The following CACNB4 variants were observed in gnomAD, a reference collection of about 807,000 sequenced individuals.
CACNB4 encodes calcium voltage-gated channel auxiliary subunit beta 4.
A neutral mutation model predicts 71.2 loss-of-function variants in CACNB4; 32 were observed. The observed-to-expected ratio is 0.45, with a 90% confidence interval of 0.34 to 0.60. The LOEUF is 0.60. Ranked by LOEUF, CACNB4 falls within the 20% of genes least tolerant of loss-of-function variation. The pLI, the probability that CACNB4 is intolerant of heterozygous loss-of-function variation, is 0.01. For synonymous variants in CACNB4, 231 were observed against 236.9 expected (o/e 0.97, Z 0.23); for missense variants, 464 against 647.9 (o/e 0.72, Z 3.08).
chr2:152,059,256 G>C (rs1685882094), intron 2 of CACNB4, among the ~76,000 whole-genome samples: 1 of 152,216 alleles, frequency 6.6e-6, no homozygotes, highest in Non-Finnish European at 1.5e-5. Context: ...CCAGACCCCA[G>C]AATGACAGAT....
At position 152,004,620 on chromosome 2, in the gene CACNB4, T is replaced by C. The variant is rs533373619; in HGVS notation, c.147+93710A>G. 3.3e-5 allele frequency among the ~76,000 whole-genome samples: 5 copies of C among 151,662 alleles called. No homozygotes were observed. The East Asian group carries it at 7.8e-4, about 24-fold the overall frequency. The stretch of plus-strand genomic sequence containing the variant: ...TCAATCCTGCCCCTCCTGCCTTCAG[T>C]GGAGTGGGCAGCTGATGCAGGAAGG... On this transcript the variant is annotated intron_variant, in intron 2 of 13. Coordinates refer to ENST00000539935, the MANE Select transcript of CACNB4 (RefSeq NM_000726.5).
intron 2 of CACNB4, among the ~76,000 whole-genome samples, chr2:151,918,515 G>A (rs116545929): frequency 5.3e-4 from 81 of 152,256 alleles, no homozygotes; most frequent in African/African-American, 1.8e-3. Context: ...TGGGCTCCAG[G>A]GGCTTTCCTT....
chr2:152,002,712 T>TC (rs1482137811), intron 2 of CACNB4, among the ~76,000 whole-genome samples: 17 of 152,196 alleles, frequency 1.1e-4, no homozygotes, highest in Admixed American at 1.3e-4. Context: ...TGTGATAGTG[T>TC]GATTCAAATG....
At chr2:151,932,824 TAAAA>T (rs34714238) in intron 2 of CACNB4, among the ~76,000 whole-genome samples, 1 of 69,866 alleles carries the variant, frequency 1.4e-5, no homozygotes, top group Admixed American at 1.8e-4. Flanking sequence ...AGACTGGATC[TAAAA>T]AAAAAAAAAA....
intron 2 of CACNB4, among the ~76,000 whole-genome samples, chr2:152,035,651 C>CTCTCTCTCTCTCTCTATATATATA (rs796161186): frequency 7.1e-4 from 84 of 118,050 alleles, no homozygotes; most frequent in African/African-American, 3.0e-3. Context: ...CTCTCTCTCT[C>CTCTCTCTCTCTCTCTATATATATA]TATATATATA....
chr2:151,869,194 C>T lies in CACNB4; in HGVS notation c.741G>A (p.Lys247=). ...MMQKALFDFL[K]HRFDGRISIT... is the part of the protein sequence containing the mutation. ...TTTCTCACCTCCCATCAAACCTGTG[C>T]TTCAGGAAATCAAAGAGGGCTTTCT... The change falls in exon 9 of 14, where the codon AAG becomes AAA. Residue 247 remains lysine (K), a synonymous_variant. Coordinates refer to ENST00000539935, the MANE Select transcript of CACNB4 (RefSeq NM_000726.5). The T allele has an allele frequency of 3.2e-6, 5 of 1,567,990 alleles. No individual in the cohort carries two copies. Among genetic ancestry groups the T allele is most frequent in the East Asian group, 2.3e-5 (1 of 43,494 alleles).
At chr2:151,927,922 A>G (rs543595889) in intron 2 of CACNB4, among the ~76,000 whole-genome samples, 1 of 152,348 alleles carries the variant, frequency 6.6e-6, no homozygotes, top group African/African-American at 2.4e-5. Context: ...AGAGTCAAAC[A>G]TAAGAAAAAG....
intron 2 of CACNB4, among the ~76,000 whole-genome samples, chr2:152,042,653 TG>T (rs1684935262): frequency 1.3e-5 from 2 of 151,326 alleles, no homozygotes; most frequent in African/African-American, 4.9e-5. Flanking sequence ...TTATATCTTA[TG>T]TTCCCCCTTC....
intron 2 of CACNB4, among the ~76,000 whole-genome samples, chr2:152,087,876 C>A (rs1175580175): frequency 6.6e-6 from 1 of 151,836 alleles, no homozygotes; most frequent in Non-Finnish European, 1.5e-5. Flanking sequence ...CAGAGCGAGA[C>A]CCTGTCTAAA....
chr2:151,891,622 A>G lies in CACNB4; in HGVS notation c.148-8252T>C, dbSNP rs79948459. ...ATTTTACATGTATGTAAGAAGTGCT[A>G]TATCAATAAGCACAATTAGCAATAA... On this transcript the variant is annotated intron_variant, in intron 2 of 13. Coordinates refer to ENST00000539935, the MANE Select transcript of CACNB4 (RefSeq NM_000726.5). 9.1e-3 allele frequency among the ~76,000 whole-genome samples: 1,394 copies of G among 152,370 alleles called. 9 individuals carry two copies. Among genetic ancestry groups the G allele is most frequent in the Non-Finnish European group, 0.016 (1,122 of 68,038 alleles).
intron 8 of CACNB4, 174 bp downstream of exon 8, chr2:151,870,357 G>C (rs1249792898): frequency 1.4e-6 from 1 of 707,098 alleles, no homozygotes; most frequent in East Asian, 2.7e-5. Flanking sequence ...TGCAAGAGAG[G>C]AAAGAAAGGG....
chr2:151,872,859 A>T (rs192306140), intron 5 of CACNB4: 1 of 165,288 alleles, frequency 6.1e-6, no homozygotes, highest in Admixed American at 6.4e-5. Flanking sequence ...ACCTGGAGAA[A>T]CCATTTCTTC....
At chr2:151,865,751 TAG>T (rs2099842915) in intron 9 of CACNB4, 1 of 150,688 alleles carries the variant, frequency 6.6e-6, no homozygotes, top group African/African-American at 2.4e-5. Flanking sequence ...AGGAACTGTT[TAG>T]TATTGTGTTT....
chr2:151,853,852 G>A (rs554640199), intron 11 of CACNB4: 7 of 212,980 alleles, frequency 3.3e-5, no homozygotes, highest in South Asian at 3.2e-4. Flanking sequence ...ACTGTACCAG[G>A]TCATTTATGT....
intron 2 of CACNB4, 79 bp from the exon 3 acceptor site, chr2:151,883,449 G>T: frequency 6.8e-7 from 1 of 1,480,866 alleles, no homozygotes; most frequent in Non-Finnish European, 9.4e-7. Flanking sequence ...CCTGGGGCGA[G>T]TTCTTTTTCA....
At chr2:151,860,090 T>C (rs2099841259) in intron 10 of CACNB4, 1 of 152,488 alleles carries the variant, frequency 6.6e-6, no homozygotes, top group African/African-American at 2.4e-5. Context: ...AGATGAACGA[T>C]GTAATTCACC....
intron 2 of CACNB4, among the ~76,000 whole-genome samples, chr2:151,948,630 C>T (rs1359666850): frequency 6.6e-6 from 1 of 151,750 alleles, no homozygotes; most frequent in East Asian, 1.9e-4. Context: ...CACTGCACTC[C>T]AGCCTGGGCA....
At chr2:151,876,656 A>G (rs371735109) in intron 4 of CACNB4, 100 bp from the exon 5 acceptor site, 55 of 679,648 alleles carry the variant, frequency 8.1e-5, no homozygotes, top group Non-Finnish European at 1.2e-4. Context: ...TATTTATATG[A>G]TATGATATGC....
At chr2:151,944,125 C>T (rs2099864982) in intron 2 of CACNB4, among the ~76,000 whole-genome samples, 1 of 150,776 alleles carries the variant, frequency 6.6e-6, no homozygotes, top group South Asian at 2.1e-4. Flanking sequence ...AACACCTGGA[C>T]TCATGTTATC....
Sources: allele counts gnomAD v4.1 joint callset (sites outside exome capture counted in the v4.1 genomes callset), GRCh38; gene constraint gnomAD v4.1.1; transcripts MANE v1.5; gene names NCBI Gene and HGNC (gene_info 2026-07-23, HGNC 2026-07-21).